Variants in TTC28 observed in about 807,000 individuals in gnomAD.
The protein encoded by TTC28 is tetratricopeptide repeat protein 28.
Under a neutral mutation model 198.0 loss-of-function variants are expected in TTC28, and 61 were observed. That is an observed-to-expected ratio of 0.31 (90% confidence interval 0.25 to 0.38). The LOEUF is 0.38. TTC28 is among the 10% of genes least tolerant of loss of function. TTC28 has a pLI of 1.00. For missense variants in TTC28, 2,678 were observed against 3,164.0 expected (o/e 0.85, Z 3.69); for synonymous variants, 1,171 against 1,297.8 (o/e 0.90, Z 2.10).
rs1601401212 is a variant in TTC28, at chr22:28,440,443, A to G, written c.382-133800T>C. 2.0e-5 allele frequency among the ~76,000 whole-genome samples: 3 copies of G among 152,188 alleles called. No individual in the cohort carries two copies. In the South Asian group the frequency reaches 6.2e-4, roughly 32 times the overall value. ...AAAGAGAGGAGAGAGCTCCCGTTCA[A>G]TCATATACCCCAGCTGCATGCTCCA... On this transcript the variant is annotated intron_variant, in intron 2 of 22. Coordinates refer to ENST00000397906, the MANE Select transcript of TTC28 (RefSeq NM_001145418.2).
chr22:28,347,251 G>A (rs2045917276), intron 2 of TTC28, among the ~76,000 whole-genome samples: 1 of 146,202 alleles, frequency 6.8e-6, no homozygotes, highest in African/African-American at 2.5e-5. Context: ...GCAACAGAGT[G>A]AGACCCTGTC....
rs916616343 is a variant in TTC28, at chr22:28,030,365, C to T, written c.3934G>A (p.Ala1312Thr). 2 of 1,551,544 alleles carry T rather than the reference C, an allele frequency of 1.3e-6. No homozygotes were observed. Among genetic ancestry groups the T allele is most frequent in the Non-Finnish European group, 1.7e-6 (2 of 1,146,970 alleles). The part of the protein sequence containing the change: ...ALGVESHYSR[A>T]CASSETESEA... ...CTCTCTGTCTCACTGCTGGCACAGG[C>T]CCTGCAGGAAAAATTGCAGAAAAAG... is the stretch of plus-strand genomic sequence containing the variant. Residue 1312 changes from alanine (A) to threonine (T), a missense_variant and splice_region_variant, in exon 13 of 23, where the codon GCC (alanine) becomes ACC (threonine). Physicochemically the swap from Ala to Thr is moderately conservative, Grantham distance 58. Coordinates refer to ENST00000397906, the MANE Select transcript of TTC28 (RefSeq NM_001145418.2).
chr22:28,249,053 A>T (rs1374171697), intron 5 of TTC28, among the ~76,000 whole-genome samples: 1 of 152,140 alleles, frequency 6.6e-6, no homozygotes, highest in African/African-American at 2.4e-5. Context: ...TTCTTTATAT[A>T]CCCTAATAAT....
intron 2 of TTC28, among the ~76,000 whole-genome samples, chr22:28,603,216 T>C (rs1487955822): frequency 1.3e-5 from 2 of 151,718 alleles, no homozygotes; most frequent in African/African-American, 2.4e-5. Context: ...TGGACTTCAA[T>C]GAACAACAAA....
intron 5 of TTC28, among the ~76,000 whole-genome samples, chr22:28,279,721 T>C (rs1355828641): frequency 6.6e-6 from 1 of 152,158 alleles, no homozygotes; most frequent in Non-Finnish European, 1.5e-5. Flanking sequence ...AAATACATAT[T>C]AAGAGATGAA....
At chr22:28,395,712 C>T (rs921924614) in intron 2 of TTC28, among the ~76,000 whole-genome samples, 1 of 151,590 alleles carries the variant, frequency 6.6e-6, no homozygotes, top group Non-Finnish European at 1.5e-5. Flanking sequence ...AAACAGCCCA[C>T]ACATCCTTGT....
At position 28,444,251 on chromosome 22, in the gene TTC28, C is replaced by G. The variant is rs1377819861; in HGVS notation, c.382-137608G>C. ...AATGGGTAAACTACTAGAATACCAACTGATATGCATAATAATAGTAACTGA... is the reference window on the plus strand; with the variant it reads ...AATGGGTAAACTACTAGAATACCAAGTGATATGCATAATAATAGTAACTGA... On this transcript the variant is annotated intron_variant, in intron 2 of 22. Coordinates refer to ENST00000397906, the MANE Select transcript of TTC28 (RefSeq NM_001145418.2). Among the ~76,000 whole-genome samples, 6 of 152,302 alleles carry G rather than the reference C, an allele frequency of 3.9e-5. No individual in the cohort carries two copies. In the East Asian group the frequency reaches 1.2e-3, roughly 29 times the overall value.
At chr22:28,376,126 C>T (rs2046405871) in intron 2 of TTC28, among the ~76,000 whole-genome samples, 2 of 152,202 alleles carry the variant, frequency 1.3e-5, no homozygotes, top group South Asian at 2.1e-4. Flanking sequence ...CCCTTCTCAT[C>T]TATCTTCATA....
At chr22:28,267,444 C>A (rs1370795702) in intron 5 of TTC28, among the ~76,000 whole-genome samples, 1 of 152,180 alleles carries the variant, frequency 6.6e-6, no homozygotes, top group Non-Finnish European at 1.5e-5. Flanking sequence ...GCAAATCACT[C>A]TGTAGAAAAT....
intron 5 of TTC28, among the ~76,000 whole-genome samples, chr22:28,178,309 A>AAC (rs2147098546): frequency 6.6e-6 from 1 of 151,422 alleles, no homozygotes; most frequent in East Asian, 1.9e-4. Flanking sequence ...TACAAAAAAA[A>AAC]AAAAAAAATT....
intron 12 of TTC28, among the ~76,000 whole-genome samples, chr22:28,092,818 G>A (rs1029276477): frequency 3.3e-5 from 5 of 152,266 alleles, no homozygotes; most frequent in South Asian, 2.1e-4. Context: ...GGTTGTTAAG[G>A]ACGGGGATAC....
intron 5 of TTC28, among the ~76,000 whole-genome samples, chr22:28,177,135 G>C (rs1490812135): frequency 1.3e-5 from 2 of 152,036 alleles, no homozygotes; most frequent in Non-Finnish European, 2.9e-5. Context: ...AATGATAAAA[G>C]ACTTATATCA....
At chr22:28,417,161 GGAGGATGGCTT>G (rs2047178780) in intron 2 of TTC28, among the ~76,000 whole-genome samples, 1 of 151,938 alleles carries the variant, frequency 6.6e-6, no homozygotes, top group African/African-American at 2.4e-5. Flanking sequence ...GGCTGAGGTG[GGAGGATGGCTT>G]GAGCCTAGGG....
chr22:28,491,437 C>A (rs978957531), intron 2 of TTC28, among the ~76,000 whole-genome samples: 38 of 152,180 alleles, frequency 2.5e-4, no homozygotes, highest in Admixed American at 6.5e-4. Flanking sequence ...ACCCCATCAA[C>A]AAGTGGGCGA....
intron 12 of TTC28, among the ~76,000 whole-genome samples, chr22:28,086,925 T>C (rs1601604014): frequency 1.3e-5 from 2 of 152,182 alleles, no homozygotes; most frequent in Admixed American, 1.3e-4. Flanking sequence ...AATGGATAAA[T>C]TCCTCGACAC....
At chr22:28,098,210 A>T (rs1287426912) in intron 10 of TTC28, among the ~76,000 whole-genome samples, 1 of 152,214 alleles carries the variant, frequency 6.6e-6, no homozygotes, top group African/African-American at 2.4e-5. Flanking sequence ...AGGCAGACCC[A>T]GGTGGCAGAA....
chr22:28,583,760 C>G (rs891430533), intron 2 of TTC28, among the ~76,000 whole-genome samples: 2 of 152,042 alleles, frequency 1.3e-5, no homozygotes, highest in Non-Finnish European at 2.9e-5. Context: ...GAAAATAAAT[C>G]TGAAGACTGG....
intron 12 of TTC28, among the ~76,000 whole-genome samples, chr22:28,043,527 A>C (rs914645373): frequency 1.3e-5 from 2 of 152,048 alleles, no homozygotes; most frequent in East Asian, 1.9e-4. Flanking sequence ...TTGCACCTCC[A>C]GCTGCAAACT....
chr22:28,497,540 T>C (rs2048473901), intron 2 of TTC28, among the ~76,000 whole-genome samples: 1 of 152,182 alleles, frequency 6.6e-6, no homozygotes, highest in South Asian at 2.1e-4. Flanking sequence ...AAGCTGAATT[T>C]GTGAGGGTGA....
Sources: gnomAD v4.1 joint callset for allele counts (sites outside exome capture counted in the v4.1 genomes callset) on GRCh38, gnomAD v4.1.1 for gene constraint, MANE v1.5 for transcripts, NCBI Gene and HGNC (gene_info 2026-07-23, HGNC 2026-07-21) for gene names.